POP1: variants seen among roughly 807,000 people sequenced by gnomAD.
The protein encoded by POP1 is POP1 ribonuclease P/MRP subunit, also known as ribonucleases P/MRP protein subunit POP1.
A neutral mutation model predicts 102.2 loss-of-function variants in POP1; 75 were observed. The ratio of observed to expected loss-of-function variants is 0.73; its 90% CI spans 0.61 to 0.89. The LOEUF is 0.89. Among genes scored for constraint, POP1 ranks in the 40% least tolerant of loss-of-function variants. The pLI, the probability that POP1 is intolerant of heterozygous loss-of-function variation, is 0.00. For missense variants in POP1, 1,116 were observed against 1,267.4 expected (o/e 0.88, Z 1.81); for synonymous variants, 436 against 464.1 (o/e 0.94, Z 0.78).
intron 11 of POP1, among the ~76,000 whole-genome samples, chr8:98,144,148 G>A (rs2130616727): frequency 6.6e-6 from 1 of 150,578 alleles, no homozygotes; most frequent in East Asian, 1.9e-4. Flanking sequence ...AGTTGAGCAA[G>A]ACTCCATCTA....
At chr8:98,136,381 T>C (rs1426740815) in intron 7 of POP1, 101 bp from the exon 8 acceptor site, 1 of 1,372,906 alleles carries the variant, frequency 7.3e-7, no homozygotes, top group African/African-American at 1.5e-5. Flanking sequence ...TGGCCAAAAA[T>C]GTTAATTTTT....
chr8:98,148,463 C>T (rs918689349), intron 12 of POP1, among the ~76,000 whole-genome samples: 2 of 152,128 alleles, frequency 1.3e-5, no homozygotes, highest in Admixed American at 1.3e-4. Context: ...GAAGGTGTCA[C>T]TTAATTGTTT....
Position 98,148,814 on chromosome 8 carries a change from G to A in POP1, c.1711-1G>A, listed in dbSNP as rs1465061305. 1.2e-6 allele frequency: 2 copies of A among 1,611,098 alleles called. No individual in the cohort carries two copies. The highest frequency in any genetic ancestry group is 1.1e-5 in the South Asian group (1 of 90,534). Reference sequence around the variant, plus strand: ...TCTTGAATTATTTTCTTCCACTTTAGGATTTAAACCGGATGAGGAGTGAAT... The same window carrying A: ...TCTTGAATTATTTTCTTCCACTTTAAGATTTAAACCGGATGAGGAGTGAAT... On this transcript the variant is annotated splice_acceptor_variant, in intron 12 of 15. Coordinates refer to ENST00000401707, the MANE Select transcript of POP1 (RefSeq NM_001145860.2). LOFTEE classifies it high-confidence loss of function.
intron 5 of POP1, among the ~76,000 whole-genome samples, chr8:98,132,216 C>T (rs559663722): frequency 2.0e-5 from 3 of 152,236 alleles, no homozygotes; most frequent in African/African-American, 7.2e-5. Flanking sequence ...CAGAATAGTA[C>T]GAAGTAAGGA....
chr8:98,127,130 A>C (rs1816228201), intron 2 of POP1, among the ~76,000 whole-genome samples: 1 of 151,814 alleles, frequency 6.6e-6, no homozygotes, highest in Admixed American at 6.6e-5. Flanking sequence ...CTCTGTGAGC[A>C]CTCCTTTATA....
At position 98,136,658 on chromosome 8, in the gene POP1, T is replaced by G. The variant is rs761647638; in HGVS notation, c.1188T>G (p.Ile396Met). 1 of 1,613,014 alleles carries G rather than the reference T, an allele frequency of 6.2e-7. No individual in the cohort carries two copies. The highest frequency in any genetic ancestry group is 2.2e-5 in the East Asian group (1 of 44,864). Reference protein sequence around the residue: ...RKDDGENAKPIKKIIGDGTRD... With the variant: ...RKDDGENAKPMKKIIGDGTRD... Reference sequence around the variant, plus strand: ...ATGATGGAGAAAATGCTAAACCAATTAAAAAAATTATCGGTGATGGAACTA... The same window carrying G: ...ATGATGGAGAAAATGCTAAACCAATGAAAAAAATTATCGGTGATGGAACTA... Residue 396 changes from isoleucine to methionine, a missense_variant, in exon 8 of 16, where the codon ATT becomes ATG. Ile to Met is a conservative substitution (Grantham distance 10, BLOSUM62 1). Coordinates refer to ENST00000401707, the MANE Select transcript of POP1 (RefSeq NM_001145860.2).
chr8:98,141,981 G>A (rs747189434), intron 11 of POP1, among the ~76,000 whole-genome samples: 1 of 152,032 alleles, frequency 6.6e-6, no homozygotes, highest in South Asian at 2.1e-4. Context: ...AGATATATAG[G>A]TAAGTTAGTT....
In POP1 at chr8:98,140,778, C is replaced by T. The variant is rs1394391871; in HGVS notation, c.1484C>T (p.Ser495Leu). The T allele has an allele frequency of 6.2e-7, 1 of 1,613,864 alleles. No individual in the cohort carries two copies. The change falls in exon 11 of 16, where the codon TCA (serine) becomes TTA (leucine). Residue 495 changes from serine to leucine, a missense_variant. Coordinates refer to ENST00000401707, the MANE Select transcript of POP1 (RefSeq NM_001145860.2). The part of the protein sequence containing the change: ...AIFELLGGIT[S>L]PAEIPAGTIL... ...TTTGTTGTTGTTAAAGGAATAACAT[C>T]ACCAGCAGAAATTCCGGCAGGTACT... is the stretch of plus-strand genomic sequence containing the variant.
chr8:98,141,302 A>G (rs547587965), intron 11 of POP1, among the ~76,000 whole-genome samples: 97 of 152,204 alleles, frequency 6.4e-4, no homozygotes, highest in African/African-American at 2.2e-3. Context: ...TGGCAAGGCC[A>G]TCCCAGGTGC....
At chr8:98,146,098 TG>T (rs1816835573) in intron 11 of POP1, among the ~76,000 whole-genome samples, 1 of 152,138 alleles carries the variant, frequency 6.6e-6, no homozygotes, top group Non-Finnish European at 1.5e-5. Flanking sequence ...ATTTATAATA[TG>T]GCATATTATT....
In POP1 at chr8:98,157,905, A is replaced by G; in HGVS notation, c.2709A>G (p.Pro903=). 1 of 1,614,214 alleles carries G rather than the reference A, an allele frequency of 6.2e-7. No homozygotes were observed. The highest frequency in any genetic ancestry group is 8.5e-7 in the Non-Finnish European group (1 of 1,180,028). The change falls in exon 16 of 16, where the codon CCA becomes CCG. Residue 903 remains proline (P), a synonymous_variant. Transcript: ENST00000401707. ...CCCAGGAATCCAAACACAGTGACCCATTCAGGAGCAAGATCCTGAAACAGA... is the reference window on the plus strand; with the variant it reads ...CCCAGGAATCCAAACACAGTGACCCGTTCAGGAGCAAGATCCTGAAACAGA... ...CGPQESKHSD[P]FRSKILKQKE...
intron 12 of POP1, among the ~76,000 whole-genome samples, chr8:98,147,330 G>A (rs556204917): frequency 6.6e-6 from 1 of 152,314 alleles, no homozygotes; most frequent in African/African-American, 2.4e-5. Flanking sequence ...CAAGGTTTCA[G>A]TGAAGATAAG....
Position 98,150,659 on chromosome 8 carries a change from A to G in POP1, c.2057+20A>G, listed in dbSNP as rs1246650376. 2 of 1,611,752 alleles carry G rather than the reference A, an allele frequency of 1.2e-6. No homozygotes were observed. The highest frequency in any genetic ancestry group is 1.7e-6 in the Non-Finnish European group (2 of 1,178,236). On this transcript the variant is annotated intron_variant, in intron 14 of 15. Coordinates refer to ENST00000401707, the MANE Select transcript of POP1 (RefSeq NM_001145860.2). ...CAAAAGGTAAGAAACTGGCTTCTCT[A>G]ATTTGATAATGTATTAAGGAAAAGA...
chr8:98,117,514 T>C (rs955514362), intron 1 of POP1, 124 bp downstream of exon 1: 2 of 198,390 alleles, frequency 1.0e-5, no homozygotes, highest in Non-Finnish European at 1.1e-5. Flanking sequence ...CTGACCTCTT[T>C]CCTTGCTGCC....
At chr8:98,146,180 C>G (rs772200131) in intron 11 of POP1, among the ~76,000 whole-genome samples, 21 of 152,174 alleles carry the variant, frequency 1.4e-4, no homozygotes, top group Non-Finnish European at 2.8e-4. Flanking sequence ...ACCCTCCCCC[C>G]TTAGCCTCCC....
At chr8:98,149,962 C>G (rs568232536) in intron 13 of POP1, among the ~76,000 whole-genome samples, 3 of 152,150 alleles carry the variant, frequency 2.0e-5, no homozygotes, top group Admixed American at 6.5e-5. Flanking sequence ...CTATGAGATG[C>G]TTTCAAGCAT....
chr8:98,138,051 C>T (rs1816598950), intron 9 of POP1, among the ~76,000 whole-genome samples: 1 of 152,232 alleles, frequency 6.6e-6, no homozygotes, highest in African/African-American at 2.4e-5. Context: ...TTCTGCTGTA[C>T]TCTCAACCAG....
rs766157710 is a variant in POP1, at chr8:98,140,075, C to T, written c.1363-3C>T. On this transcript the variant is annotated splice_polypyrimidine_tract_variant and splice_region_variant and intron_variant, in intron 9 of 15. Coordinates refer to ENST00000401707, the MANE Select transcript of POP1 (RefSeq NM_001145860.2). ...CCAGTGAATAGTAGTTGTTATTTTTCAGGTGGGAGAGGACACAGAGGAGAC... is the reference window on the plus strand; with the variant it reads ...CCAGTGAATAGTAGTTGTTATTTTTTAGGTGGGAGAGGACACAGAGGAGAC... 37 of 1,610,410 alleles carry T rather than the reference C, an allele frequency of 2.3e-5. No homozygotes were observed. The highest frequency in any genetic ancestry group is 3.1e-5 in the Non-Finnish European group (36 of 1,176,932).
At chr8:98,127,165 G>C (rs369630935) in intron 2 of POP1, among the ~76,000 whole-genome samples, 3 of 152,032 alleles carry the variant, frequency 2.0e-5, no homozygotes, top group Admixed American at 6.6e-5. Flanking sequence ...ATTCATGAAG[G>C]CTCTACCCTC....
Sources: gnomAD v4.1 joint callset for allele counts (sites outside exome capture counted in the v4.1 genomes callset) on GRCh38, gnomAD v4.1.1 for gene constraint, MANE v1.5 for transcripts, NCBI Gene and HGNC (gene_info 2026-07-23, HGNC 2026-07-21) for gene names.